Variants in ESRRB observed in about 807,000 individuals in gnomAD.
The protein encoded by ESRRB is steroid hormone receptor ERR2.
Under a neutral mutation model 46.0 loss-of-function variants are expected in ESRRB, and 16 were observed. The ratio of observed to expected loss-of-function variants is 0.35; its 90% confidence interval spans 0.24 to 0.53. ESRRB has a LOEUF of 0.53. Ranked by LOEUF, ESRRB falls within the 20% of genes least tolerant of loss-of-function variation. The probability of loss-of-function intolerance (pLI) is 0.93; values close to 1 mark genes in which losing one functional copy is unlikely to be tolerated. For synonymous variants in ESRRB, 246 were observed against 259.6 expected, an observed-to-expected ratio of 0.95 and a Z score of 0.50; for missense variants, 488 against 607.4, an observed-to-expected ratio of 0.80 and a Z score of 2.07.
intron 1 of ESRRB, among the ~76,000 whole-genome samples, chr14:76,436,059 C>T (rs1370352674): frequency 6.6e-6 from 1 of 152,230 alleles, no homozygotes; most frequent in Non-Finnish European, 1.5e-5. Flanking sequence ...CCTCTCAGCC[C>T]TGAGGGTCTT....
intron 5 of ESRRB, among the ~76,000 whole-genome samples, chr14:76,489,609 G>A (rs1452143603): frequency 1.3e-5 from 2 of 152,160 alleles, no homozygotes; most frequent in Non-Finnish European, 2.9e-5. Context: ...GGTGATCTGA[G>A]GCCCAAGTTG....
chr14:76,315,991 G>A (rs1379015776), intron 1 of ESRRB, among the ~76,000 whole-genome samples: 1 of 152,126 alleles, frequency 6.6e-6, no homozygotes, highest in Non-Finnish European at 1.5e-5. Flanking sequence ...TTGTTCTTGG[G>A]TCTCCAAGTC....
At position 76,482,222 on chromosome 14, in the gene ESRRB, A is replaced by C; in HGVS notation, c.688+96A>C. On this transcript the variant is annotated intron_variant, in intron 4 of 6. Coordinates refer to ENST00000644823, the MANE Select transcript of ESRRB (RefSeq NM_001379180.1). The surrounding 1 kb of genome is among the most constrained non-coding windows in gnomAD (Gnocchi z 4.3). ...AACATCATCTTCCCACCACTGGGTC[A>C]TGAGACAATGTGGATCTTGGGGAGG... 3.3e-6 allele frequency: 3 copies of C among 921,602 alleles called. No homozygotes were observed. Among genetic ancestry groups the C allele is most frequent in the Non-Finnish European group, 5.3e-6 (3 of 570,510 alleles). 57.1% of individuals were successfully genotyped at this position (921,602 alleles called of 1,614,324 possible). A position where few individuals can be genotyped will look rare whatever the true frequency, so the allele number is the denominator to read the frequency against.
chr14:76,330,095 G>A (rs924416102), intron 1 of ESRRB, among the ~76,000 whole-genome samples: 1 of 152,058 alleles, frequency 6.6e-6, no homozygotes, highest in African/African-American at 2.4e-5. Flanking sequence ...CCTCCTTGCC[G>A]GCCAGCAGGG....
At chr14:76,420,795 CA>C (rs928487082) in intron 1 of ESRRB, among the ~76,000 whole-genome samples, 11 of 152,258 alleles carry the variant, frequency 7.2e-5, no homozygotes, top group African/African-American at 2.6e-4. Context: ...CCCTTTGTAT[CA>C]GGGGTTCCCA....
At chr14:76,335,854 T>G (rs1004242550) in intron 1 of ESRRB, among the ~76,000 whole-genome samples, 3 of 152,222 alleles carry the variant, frequency 2.0e-5, no homozygotes, top group African/African-American at 7.2e-5. Flanking sequence ...TGAATGCTCA[T>G]GATGCGCCCG....
intron 2 of ESRRB, among the ~76,000 whole-genome samples, chr14:76,448,412 T>C (rs1888244647): frequency 6.8e-6 from 1 of 147,104 alleles, no homozygotes; most frequent in Non-Finnish European, 1.5e-5. Context: ...CACTGCAACC[T>C]CCGCCTCCCA....
chr14:76,460,697 C>T (rs1028173243), intron 2 of ESRRB, among the ~76,000 whole-genome samples: 1 of 133,934 alleles, frequency 7.5e-6, no homozygotes, highest in African/African-American at 3.1e-5. Context: ...TTCATTTGTA[C>T]GTTCCAGTTA....
chr14:76,344,301 G>T (rs530418077), intron 1 of ESRRB, among the ~76,000 whole-genome samples: 62 of 152,194 alleles, frequency 4.1e-4, no homozygotes, highest in Non-Finnish European at 8.7e-4. Flanking sequence ...AGTTACGGGG[G>T]TACAGGTGGT....
chr14:76,388,739 T>C (rs1444845978), intron 1 of ESRRB, among the ~76,000 whole-genome samples: 2 of 152,220 alleles, frequency 1.3e-5, no homozygotes, highest in Non-Finnish European at 2.9e-5. Context: ...CAAGGGCCCA[T>C]GCCCAGCCTC....
chr14:76,457,859 G>A (rs1017400171), intron 2 of ESRRB, among the ~76,000 whole-genome samples: 2 of 152,098 alleles, frequency 1.3e-5, no homozygotes, highest in East Asian at 3.9e-4. Context: ...ATTGTTGGTA[G>A]AGACGGGGTT....
At chr14:76,332,554 AAT>A (rs1451423794) in intron 1 of ESRRB, among the ~76,000 whole-genome samples, 4 of 63,094 alleles carry the variant, frequency 6.3e-5, no homozygotes, top group African/African-American at 6.1e-5. Context: ...ATATTTATAT[AAT>A]ATATATTTAT....
chr14:76,385,754 T>C (rs1282126959), intron 1 of ESRRB, among the ~76,000 whole-genome samples: 1 of 152,258 alleles, frequency 6.6e-6, no homozygotes, highest in African/African-American at 2.4e-5. Context: ...GACCTGGCCT[T>C]TGCATTATGA....
chr14:76,358,377 A>G (rs1247398762), intron 1 of ESRRB, among the ~76,000 whole-genome samples: 2 of 100,828 alleles, frequency 2.0e-5, no homozygotes, highest in African/African-American at 7.6e-5. Context: ...GAAAGAAAGA[A>G]AGAAAGAAAG....
Position 76,498,688 on chromosome 14 carries a change from C to G in ESRRB, c.*230C>G, listed in dbSNP as rs1243996290. Reference sequence around the variant, plus strand: ...GGGGCTCGACTGTAACTGGCTTTTTCTTTGGTATGTCTTTCCTTCTCCATG... The same window carrying G: ...GGGGCTCGACTGTAACTGGCTTTTTGTTTGGTATGTCTTTCCTTCTCCATG... On this transcript the variant is annotated 3_prime_UTR_variant, in exon 7 of 7. Transcript: ENST00000644823. The G allele has an allele frequency of 4.8e-6, 7 of 1,448,054 alleles. No individual in the cohort carries two copies. The highest frequency in any genetic ancestry group is 6.7e-6 in the Non-Finnish European group (7 of 1,046,454). 89.7% of individuals were successfully genotyped at this position (1,448,054 alleles called of 1,614,324 possible).
chr14:76,425,939 A>C (rs1290091548), intron 1 of ESRRB, among the ~76,000 whole-genome samples: 3 of 152,160 alleles, frequency 2.0e-5, no homozygotes, highest in Non-Finnish European at 4.4e-5. Flanking sequence ...GGTGTGAGCC[A>C]CCACACCCAG....
At position 76,482,732 on chromosome 14, in the gene ESRRB, A is replaced by G. The variant is rs371238611; in HGVS notation, c.823A>G (p.Ile275Val). ...CDLADRELVV[I>V]IGWAKHIPGF... ...CCTGGCAGACCGAGAGCTTGTGGTC[A>G]TCATTGGCTGGGCCAAGCACATCCC... Residue 275 changes from isoleucine (I) to valine (V), a missense_variant, in exon 5 of 7, where the codon ATC becomes GTC. Transcript: ENST00000644823. This position sits in a 1 kb window ranked among gnomAD's most constrained non-coding sequence, Gnocchi z 4.3. 51 of 1,614,022 alleles carry G rather than the reference A, an allele frequency of 3.2e-5. No individual in the cohort carries two copies. Among genetic ancestry groups the G allele is most frequent in the Admixed American group, 1.0e-4 (6 of 60,004 alleles).
At chr14:76,342,104 G>A (rs1299032464) in intron 1 of ESRRB, among the ~76,000 whole-genome samples, 2 of 152,176 alleles carry the variant, frequency 1.3e-5, no homozygotes, top group Non-Finnish European at 1.5e-5. Flanking sequence ...GAAGGATAAG[G>A]TGAAGTCTCA....
chr14:76,352,311 T>C (rs866871402), intron 1 of ESRRB, among the ~76,000 whole-genome samples: 18 of 152,230 alleles, frequency 1.2e-4, no homozygotes, highest in South Asian at 4.1e-4. Flanking sequence ...AAGTGTTCAG[T>C]ACATGTTAAT....
Sources: gnomAD v4.1 joint callset for allele counts (sites outside exome capture counted in the v4.1 genomes callset) on GRCh38, gnomAD v4.1.1 for gene constraint, Gnocchi (gnomAD v3.1) non-coding constraint, MANE v1.5 for transcripts, NCBI Gene and HGNC (gene_info 2026-07-23, HGNC 2026-07-21) for gene names.